Variants in KCNJ6 observed in about 807,000 individuals in gnomAD.
KCNJ6 encodes G protein-activated inward rectifier potassium channel 2.
KCNJ6 carries 9 observed loss-of-function variants against 34.2 expected under a neutral mutation model. That is an observed-to-expected ratio of 0.26 (90% CI 0.16 to 0.46). KCNJ6 has a LOEUF of 0.46. Ranked by LOEUF, KCNJ6 falls within the 20% of genes least tolerant of loss-of-function variation. The pLI is 1.00. For synonymous variants in KCNJ6, 196 were observed against 207.1 expected (o/e 0.95, Z 0.46); for missense variants, 236 against 531.3 (o/e 0.44, Z 5.46).
chr21:37,661,614 G>GTTTTTTTTTTTTTTTTT lies in KCNJ6; in HGVS notation c.947-36147_947-36131dup, dbSNP rs59026391. 1.9e-3 allele frequency among the ~76,000 whole-genome samples: 135 copies of GTTTTTTTTTTTTTTTTT among 71,170 alleles called. 29 individuals carry two copies. Among genetic ancestry groups the GTTTTTTTTTTTTTTTTT allele is most frequent in the African/African-American group, 2.8e-3 (52 of 18,694 alleles). 46.7% of individuals were successfully genotyped at this position (71,170 alleles called of 152,430 possible). ...TCCACCCATTTCCTTAAGAGACATA[G>GTTTTTTTTTTTTTTTTT]TTTTTTTTTTTTTTTTTTTTTTTTT... is the stretch of plus-strand genomic sequence containing the variant. On this transcript the variant is annotated intron_variant, in intron 3 of 3. Transcript: ENST00000609713.
intron 1 of KCNJ6, among the ~76,000 whole-genome samples, chr21:37,902,246 C>T (rs544031848): frequency 4.6e-5 from 7 of 152,350 alleles, no homozygotes; most frequent in Admixed American, 4.6e-4. Flanking sequence ...TGTTACTTCC[C>T]TTGTCCCATC....
chr21:37,614,638 G>C lies in KCNJ6; in HGVS notation c.*10521C>G, dbSNP rs777832898. The C allele has an allele frequency of 5.2e-5, 7 of 133,814 alleles. No individual in the cohort carries two copies. Among genetic ancestry groups the C allele is most frequent in the African/African-American group, 5.3e-5 (2 of 37,438 alleles). The allele number at this position is 133,814 out of a possible 1,614,324, so 8.3% of individuals were successfully genotyped here. On this transcript the variant is annotated 3_prime_UTR_variant, in exon 4 of 4. Transcript: ENST00000609713. ...CGTGTGTGTATGCATATGTCTGTGT[G>C]TGTATGCACGTGTGTGTATGCATGT...
chr21:37,893,104 T>G (rs1296808005), intron 1 of KCNJ6, among the ~76,000 whole-genome samples: 2 of 152,114 alleles, frequency 1.3e-5, no homozygotes, highest in African/African-American at 2.4e-5. Flanking sequence ...TCCGCCTGCC[T>G]TGGCCTCCCA....
chr21:37,894,089 AAAAC>A (rs1191815598), intron 1 of KCNJ6, among the ~76,000 whole-genome samples: 3 of 152,226 alleles, frequency 2.0e-5, no homozygotes, highest in African/African-American at 7.2e-5. Context: ...ACCATTCAAC[AAAAC>A]AAACATATCA....
chr21:37,720,547 C>T (rs1299104589), intron 2 of KCNJ6, among the ~76,000 whole-genome samples: 1 of 152,170 alleles, frequency 6.6e-6, no homozygotes, highest in Admixed American at 6.5e-5. Context: ...GGCGCTGTCA[C>T]AGTGAGCTAA....
At chr21:37,861,992 C>T (rs147872997) in intron 1 of KCNJ6, among the ~76,000 whole-genome samples, 16 of 152,284 alleles carry the variant, frequency 1.1e-4, no homozygotes, top group East Asian at 1.9e-4. Flanking sequence ...GCTCAAGCCC[C>T]GCTGCAGAAC....
intron 1 of KCNJ6, among the ~76,000 whole-genome samples, chr21:37,844,786 T>C (rs1279753655): frequency 2.0e-5 from 3 of 152,154 alleles, no homozygotes; most frequent in Non-Finnish European, 4.4e-5. Context: ...TTCTGACCAT[T>C]TTCCTGAGTT....
At chr21:37,705,844 G>A (rs989639269) in intron 3 of KCNJ6, among the ~76,000 whole-genome samples, 2 of 152,162 alleles carry the variant, frequency 1.3e-5, no homozygotes, top group African/African-American at 2.4e-5. Context: ...AGTATACAAT[G>A]GCCAACTTGT....
At chr21:37,849,936 C>G (rs1459755240) in intron 1 of KCNJ6, among the ~76,000 whole-genome samples, 2 of 152,018 alleles carry the variant, frequency 1.3e-5, no homozygotes. Flanking sequence ...AACGAAATAC[C>G]AAATCACAAC....
intron 2 of KCNJ6, among the ~76,000 whole-genome samples, chr21:37,790,791 CT>C (rs977157103): frequency 1.3e-5 from 2 of 152,208 alleles, no homozygotes; most frequent in Non-Finnish European, 2.9e-5. Flanking sequence ...TTGGAGAAAA[CT>C]TTGTAAACAG....
chr21:37,737,589 A>C lies in KCNJ6; in HGVS notation c.26-22458T>G, dbSNP rs144661625. ...CAGTCAAGTCTTCCATCCTGGAAGG[A>C]AAATATCCGGAAAGAGGACTTGATT... is the stretch of plus-strand genomic sequence containing the variant. On this transcript the variant is annotated intron_variant, in intron 2 of 3. Coordinates refer to ENST00000609713, the MANE Select transcript of KCNJ6 (RefSeq NM_002240.5). Among the ~76,000 whole-genome samples the C allele has an allele frequency of 2.2e-3, 340 of 152,358 alleles. 3 individuals carry two copies. The highest frequency in any genetic ancestry group is 7.8e-3 in the African/African-American group (325 of 41,582).
chr21:37,690,942 C>T (rs1311557447), intron 3 of KCNJ6, among the ~76,000 whole-genome samples: 8 of 151,980 alleles, frequency 5.3e-5, no homozygotes, highest in East Asian at 1.9e-4. Flanking sequence ...CCACCATACC[C>T]GGCTAAGTTT....
rs140313846 is a variant in KCNJ6 at position 37,745,419 on chromosome 21, G to A, written c.26-30288C>T. 8.5e-5 allele frequency among the ~76,000 whole-genome samples: 13 copies of A among 152,218 alleles called. No individual in the cohort carries two copies. The East Asian group carries it at 2.5e-3, about 29-fold the overall frequency. On this transcript the variant is annotated intron_variant, in intron 2 of 3. Coordinates refer to ENST00000609713, the MANE Select transcript of KCNJ6 (RefSeq NM_002240.5). ...ATTACAGAGGTGAGACATCATGCCT[G>A]GCCATGGTTGCTGGTTTTGAAGATG...
At chr21:37,731,253 G>C (rs139761860) in intron 2 of KCNJ6, among the ~76,000 whole-genome samples, 1 of 152,288 alleles carries the variant, frequency 6.6e-6, no homozygotes, top group East Asian at 1.9e-4. Context: ...TGGAGTGAAA[G>C]ATTTAAGGGG....
At chr21:37,872,572 C>T (rs560739038) in intron 1 of KCNJ6, among the ~76,000 whole-genome samples, 1 of 152,186 alleles carries the variant, frequency 6.6e-6, no homozygotes, top group African/African-American at 2.4e-5. Flanking sequence ...CTTTGCCCAA[C>T]CTTCTGATCA....
chr21:37,893,472 C>T (rs981772135), intron 1 of KCNJ6, among the ~76,000 whole-genome samples: 1 of 152,204 alleles, frequency 6.6e-6, no homozygotes, highest in Non-Finnish European at 1.5e-5. Flanking sequence ...TCCCAAAGTG[C>T]TGGGATTACA....
intron 1 of KCNJ6, among the ~76,000 whole-genome samples, chr21:37,859,173 A>C (rs2055580089): frequency 6.6e-6 from 1 of 152,160 alleles, no homozygotes; most frequent in Non-Finnish European, 1.5e-5. Context: ...TAAAAGACCA[A>C]AATATAGCAA....
chr21:37,742,621 C>T (rs1036622392), intron 2 of KCNJ6, among the ~76,000 whole-genome samples: 16 of 152,176 alleles, frequency 1.1e-4, no homozygotes, highest in Non-Finnish European at 2.1e-4. Flanking sequence ...ACATGAGTGG[C>T]CATCCTCTAC....
At chr21:37,645,491 C>T (rs576268940) in intron 3 of KCNJ6, among the ~76,000 whole-genome samples, 1 of 152,092 alleles carries the variant, frequency 6.6e-6, no homozygotes, top group Non-Finnish European at 1.5e-5. Context: ...CACATCTTCT[C>T]GTGGGTCATC....
Sources: allele counts gnomAD v4.1 joint callset (sites outside exome capture counted in the v4.1 genomes callset), GRCh38; gene constraint gnomAD v4.1.1; transcripts MANE v1.5; gene names NCBI Gene and HGNC (gene_info 2026-07-23, HGNC 2026-07-21).